The following SYNJ2 variants were observed in gnomAD, a reference collection of about 807,000 sequenced individuals.
SYNJ2 encodes the protein polyphosphatidylinositol phosphatase SYNJ2.
SYNJ2 carries 116 observed loss-of-function variants against 141.3 expected under a neutral mutation model. That is an observed-to-expected ratio of 0.82 (90% CI 0.71 to 0.96). The LOEUF is 0.96. SYNJ2 is among the 40% of genes least tolerant of loss of function. The probability of loss-of-function intolerance (pLI) is 0.00; values close to 1 mark genes in which losing one functional copy is unlikely to be tolerated. For synonymous variants in SYNJ2, 745 were observed against 777.7 expected, an observed-to-expected ratio of 0.96 and a Z score of 0.70; for missense variants, 1,873 against 1,934.8, an observed-to-expected ratio of 0.97 and a Z score of 0.60.
Position 158,064,656 on chromosome 6 carries a change from G to T in SYNJ2, c.1265G>T (p.Arg422Leu). The change falls in exon 10 of 27, where the codon CGC becomes CTC. Residue 422 changes from arginine (R) to leucine (L), a missense_variant. By Grantham distance (102) the Arg-to-Leu change is moderately radical. Transcript: ENST00000355585. ...CTGAGTTCAAAACCCATCGTTGACC[G>T]CTTTGTGGAGTCCTTCAAAGCCATG... Reference protein sequence around the residue: ...LGLSSKPIVDRFVESFKAMWS... With the variant: ...LGLSSKPIVDLFVESFKAMWS... 1 of 1,614,108 alleles carries T rather than the reference G, an allele frequency of 6.2e-7. No individual in the cohort carries two copies. The highest frequency in any genetic ancestry group is 8.5e-7 in the Non-Finnish European group (1 of 1,180,028).
chr6:158,043,044 C>A lies in SYNJ2; in HGVS notation c.712-272C>A, dbSNP rs1157263559. Among the ~76,000 whole-genome samples, 1 of 152,170 alleles carries A rather than the reference C, an allele frequency of 6.6e-6. No homozygotes were observed. The highest frequency in any genetic ancestry group is 2.4e-5 in the African/African-American group (1 of 41,422). On this transcript the variant is annotated intron_variant, in intron 4 of 26. Coordinates refer to ENST00000355585, the MANE Select transcript of SYNJ2 (RefSeq NM_003898.4). This position sits in a 1 kb window ranked among gnomAD's most constrained non-coding sequence, Gnocchi z 4.0. ...TTTTCAGGGTGACGATAAGGTTGTG[C>A]CCTAGAAGTGTGAATTCCCGGAGAC...
intron 1 of SYNJ2, among the ~76,000 whole-genome samples, chr6:158,007,108 AG>A (rs1285827168): frequency 6.6e-6 from 1 of 151,896 alleles, no homozygotes; most frequent in Non-Finnish European, 1.5e-5. Flanking sequence ...TGAGACCACA[AG>A]TGTGCACACC....
At chr6:158,010,638 C>A (rs1778228096) in intron 1 of SYNJ2, among the ~76,000 whole-genome samples, 1 of 152,180 alleles carries the variant, frequency 6.6e-6, no homozygotes, top group African/African-American at 2.4e-5. Context: ...GAAGCCTAAC[C>A]CCCGGGACCT....
chr6:158,013,919 A>G (rs1778358689), intron 1 of SYNJ2, among the ~76,000 whole-genome samples: 1 of 152,232 alleles, frequency 6.6e-6, no homozygotes, highest in African/African-American at 2.4e-5. Context: ...GATAAACTGT[A>G]TTCAGGTTTG....
chr6:158,047,908 C>G (rs922178399), intron 5 of SYNJ2, among the ~76,000 whole-genome samples: 3 of 151,216 alleles, frequency 2.0e-5, no homozygotes, highest in Non-Finnish European at 4.4e-5. Flanking sequence ...TGGTGGCATC[C>G]GGAGAAGCAT....
At chr6:158,023,450 G>T (rs931949062) in intron 2 of SYNJ2, among the ~76,000 whole-genome samples, 1 of 152,054 alleles carries the variant, frequency 6.6e-6, no homozygotes, top group Non-Finnish European at 1.5e-5. Context: ...TCCACACAGC[G>T]GTCCTGAGGT....
chr6:157,996,853 C>T (rs1196791536), intron 1 of SYNJ2, among the ~76,000 whole-genome samples: 1 of 152,210 alleles, frequency 6.6e-6, no homozygotes, highest in African/African-American at 2.4e-5. Context: ...CCGAGGCCTC[C>T]CAAGAAGCAG....
intron 1 of SYNJ2, among the ~76,000 whole-genome samples, chr6:157,985,719 G>A (rs1479055785): frequency 6.6e-6 from 1 of 152,204 alleles, no homozygotes; most frequent in Non-Finnish European, 1.5e-5. Context: ...CCCCAGGAAC[G>A]GTGGCCTGAG....
chr6:158,037,683 G>A (rs1176022899), intron 4 of SYNJ2, among the ~76,000 whole-genome samples: 1 of 152,106 alleles, frequency 6.6e-6, no homozygotes, highest in African/African-American at 2.4e-5. Context: ...TTACAGGTGT[G>A]AGCCACTGAG....
rs1777053399 is a variant in SYNJ2 at position 157,982,513 on chromosome 6, G to A, written c.127+425G>A. ...CGGCTCCACTCCTGGAGGGGATGGGGACAAAAGCCCCAAAACATAGGCTCT... is the reference window on the plus strand; with the variant it reads ...CGGCTCCACTCCTGGAGGGGATGGGAACAAAAGCCCCAAAACATAGGCTCT... On this transcript the variant is annotated intron_variant, in intron 1 of 26. Coordinates refer to ENST00000355585, the MANE Select transcript of SYNJ2 (RefSeq NM_003898.4). The surrounding 1 kb of genome is among the most constrained non-coding windows in gnomAD (Gnocchi z 4.0). Among the ~76,000 whole-genome samples, 1 of 152,224 alleles carries A rather than the reference G, an allele frequency of 6.6e-6. No homozygotes were observed. Among genetic ancestry groups the A allele is most frequent in the Non-Finnish European group, 1.5e-5 (1 of 68,040 alleles).
intron 12 of SYNJ2, chr6:158,067,818 G>A: frequency 1.0e-6 from 1 of 985,108 alleles, no homozygotes; most frequent in East Asian, 1.1e-4. Flanking sequence ...GTGGTAGCCT[G>A]GGTTGCTGCT....
intron 3 of SYNJ2, chr6:158,029,303 CT>C: frequency 3.6e-6 from 1 of 280,580 alleles, no homozygotes; most frequent in Non-Finnish European, 6.7e-6. Context: ...AATCCCAGCA[CT>C]TTGGGAGGCT....
At position 158,027,072 on chromosome 6, in the gene SYNJ2, C is replaced by T. The variant is rs1779085694; in HGVS notation, c.215-1684C>T. ...CCACCCCATGGCATAGCAGCAGGCC[C>T]CTGGGAGCCCTGAGCGCTCATTAAA... On this transcript the variant is annotated intron_variant, in intron 2 of 26. Coordinates refer to ENST00000355585, the MANE Select transcript of SYNJ2 (RefSeq NM_003898.4). This position sits in a 1 kb window ranked among gnomAD's most constrained non-coding sequence, Gnocchi z 4.6. 3 of 985,270 alleles carry T rather than the reference C, an allele frequency of 3.0e-6. No individual in the cohort carries two copies. The highest frequency in any genetic ancestry group is 3.6e-6 in the Non-Finnish European group (3 of 829,942). The allele number at this position is 985,270 out of a possible 1,614,324, so 61.0% of individuals were successfully genotyped here. A position where few individuals can be genotyped will look rare whatever the true frequency, so the allele number is the denominator to read the frequency against.
At chr6:158,062,231 G>T in intron 8 of SYNJ2, 67 bp downstream of exon 8, 1 of 1,574,734 alleles carries the variant, frequency 6.4e-7, no homozygotes, top group Non-Finnish European at 8.6e-7. Context: ...GGTGAGGCTC[G>T]CTGCGTGCTG....
intron 1 of SYNJ2, among the ~76,000 whole-genome samples, chr6:157,994,064 C>G (rs566883372): frequency 8.5e-5 from 13 of 152,114 alleles, no homozygotes; most frequent in African/African-American, 2.9e-4. Flanking sequence ...ATCCACCTGC[C>G]TCGGACTTCA....
chr6:158,045,736 C>T (rs1780204850), intron 5 of SYNJ2, among the ~76,000 whole-genome samples: 1 of 152,066 alleles, frequency 6.6e-6, no homozygotes, highest in Admixed American at 6.5e-5. Context: ...TTTTGTCGTT[C>T]CCCTCTTGGA....
At chr6:158,093,803 T>C in intron 26 of SYNJ2, 1 of 718,062 alleles carries the variant, frequency 1.4e-6, no homozygotes, top group South Asian at 1.5e-5. Flanking sequence ...CAGTAACCGA[T>C]TCCCAGATTC....
At chr6:158,046,439 G>A (rs1287332588) in intron 5 of SYNJ2, among the ~76,000 whole-genome samples, 2 of 152,218 alleles carry the variant, frequency 1.3e-5, no homozygotes, top group Non-Finnish European at 1.5e-5. Flanking sequence ...GGCTTCAACT[G>A]TCACTATCAA....
In SYNJ2 at chr6:158,095,447, T is replaced by G. The variant is rs116207197; in HGVS notation, c.3745-171T>G. 7.1e-3 allele frequency among the ~76,000 whole-genome samples: 1,087 copies of G among 152,310 alleles called. 11 individuals carry two copies. Among genetic ancestry groups the G allele is most frequent in the African/African-American group, 0.025 (1,032 of 41,552 alleles). ...AAATGTGTGTTTCTCCTGTGCTTTT[T>G]CTTTTTCTTACCTGGTCACATTTCT... On this transcript the variant is annotated intron_variant, in intron 26 of 26. Coordinates refer to ENST00000355585, the MANE Select transcript of SYNJ2 (RefSeq NM_003898.4).
Sources: gnomAD v4.1 joint callset for allele counts (sites outside exome capture counted in the v4.1 genomes callset) on GRCh38, gnomAD v4.1.1 for gene constraint, Gnocchi (gnomAD v3.1) non-coding constraint, MANE v1.5 for transcripts, NCBI Gene and HGNC (gene_info 2026-07-23, HGNC 2026-07-21) for gene names.